The following AGO2 variants were observed in gnomAD, a reference collection of about 807,000 sequenced individuals.
AGO2 encodes argonaute RISC catalytic component 2.
Under a neutral mutation model 102.3 loss-of-function variants are expected in AGO2, and 5 were observed. The ratio of observed to expected loss-of-function variants is 0.05; its 90% CI spans 0.03 to 0.10. AGO2 has a LOEUF of 0.10. AGO2 is among the 10% of genes least tolerant of loss of function. The pLI is 1.00. For synonymous variants in AGO2, 449 were observed against 473.1 expected, an observed-to-expected ratio of 0.95 and a Z score of 0.66; for missense variants, 541 against 1,183.7, an observed-to-expected ratio of 0.46 and a Z score of 7.97.
At chr8:140,536,025 T>C (rs2072689535) in intron 16 of AGO2, among the ~76,000 whole-genome samples, 1 of 152,210 alleles carries the variant, frequency 6.6e-6, no homozygotes, top group Non-Finnish European at 1.5e-5. Flanking sequence ...CTGAACGCTG[T>C]CAGGAGTGCC....
chr8:140,639,100 C>T (rs1285257969), upstream of AGO2, among the ~76,000 whole-genome samples: 4 of 152,186 alleles, frequency 2.6e-5, no homozygotes, highest in Non-Finnish European at 5.9e-5. Context: ...AATTCCTGGG[C>T]TCAAGTGATC....
In AGO2 at chr8:140,556,065, C is replaced by T. The variant is rs10112329; in HGVS notation, c.1147-47G>A. The T allele has an allele frequency of 2.1e-3, 3,396 of 1,612,010 alleles. 57 individuals are homozygous for T. In the African/African-American group the frequency reaches 0.04, roughly 19 times the overall value. ...ACGCACGGAGTGGGTGGAGGCCTCC[C>T]ATCTCTCTAGCAGCTGCGTCCGTTC... On this transcript the variant is annotated intron_variant, in intron 9 of 18. Transcript: ENST00000220592.
intron 6 of AGO2, 43 bp downstream of exon 6, chr8:140,559,352 G>T: frequency 6.2e-7 from 1 of 1,602,464 alleles, no homozygotes; most frequent in Non-Finnish European, 8.5e-7. Context: ...ACCGGGAAGG[G>T]GCCTCCCAGC....
chr8:140,600,958 G>A (rs1241188525), intron 1 of AGO2, among the ~76,000 whole-genome samples: 2 of 151,738 alleles, frequency 1.3e-5, no homozygotes, highest in African/African-American at 4.8e-5. Context: ...AATTCGAATT[G>A]TGTCTAAATC....
Position 140,609,891 on chromosome 8 carries a change from G to A in AGO2, c.23-24580C>T, listed in dbSNP as rs149899613. ...CACGGGGGCTCACACCTGTAATCCC[G>A]GCACGGAAAAAGACTACATCGACCA... On this transcript the variant is annotated intron_variant, in intron 1 of 18. Transcript: ENST00000220592. 1.2e-3 allele frequency among the ~76,000 whole-genome samples: 183 copies of A among 151,294 alleles called. 1 individual carries two copies. Among genetic ancestry groups the A allele is most frequent in the African/African-American group, 4.3e-3 (178 of 41,258 alleles).
chr8:140,615,320 GC>G (rs1159254349), intron 1 of AGO2, among the ~76,000 whole-genome samples: 1 of 152,210 alleles, frequency 6.6e-6, no homozygotes, highest in Non-Finnish European at 1.5e-5. Flanking sequence ...AATGGAGACA[GC>G]CCCCTGGCCA....
At chr8:140,624,931 A>T (rs2074257081) in intron 1 of AGO2, among the ~76,000 whole-genome samples, 2 of 152,308 alleles carry the variant, frequency 1.3e-5, no homozygotes, top group South Asian at 4.1e-4. Flanking sequence ...ACACACCCCC[A>T]TCCCGCTCCT....
rs148766573 is a variant in AGO2, at chr8:140,613,072, C to T, written c.22+22413G>A. On this transcript the variant is annotated intron_variant, in intron 1 of 18. Transcript: ENST00000220592. ...ATAATTAGCCAGGTGTGGTGGCAGA[C>T]GCCCGTAGTCCCAGCTACTCGGGAG... Among the ~76,000 whole-genome samples, 5 of 151,762 alleles carry T rather than the reference C, an allele frequency of 3.3e-5. No homozygotes were observed. The East Asian group carries it at 5.9e-4, about 18-fold the overall frequency.
intron 1 of AGO2, among the ~76,000 whole-genome samples, chr8:140,633,569 G>A (rs1402063319): frequency 6.6e-6 from 1 of 152,192 alleles, no homozygotes; most frequent in Admixed American, 6.5e-5. Context: ...AGCATCCCGG[G>A]GCAGTGCACA....
intron 1 of AGO2, among the ~76,000 whole-genome samples, chr8:140,629,754 G>A (rs1013592530): frequency 2.0e-5 from 3 of 151,642 alleles, no homozygotes; most frequent in Non-Finnish European, 4.4e-5. Context: ...GTGGAGCTCC[G>A]GAGCCCGGGG....
rs528988392 is a variant in AGO2, at chr8:140,539,983, C to T, written c.2035-529G>A. Among the ~76,000 whole-genome samples the T allele has an allele frequency of 1.7e-4, 26 of 152,182 alleles. No homozygotes were observed. The highest frequency in any genetic ancestry group is 4.6e-4 in the Admixed American group (7 of 15,284). ...GCACCTGTCGTAATCCCAGCTACTC[C>T]GGAGGCAGAGGCAGGAGAACTGCTT... is the stretch of plus-strand genomic sequence containing the variant. On this transcript the variant is annotated intron_variant, in intron 15 of 18. Coordinates refer to ENST00000220592, the MANE Select transcript of AGO2 (RefSeq NM_012154.5). This position sits in a 1 kb window ranked among gnomAD's most constrained non-coding sequence, Gnocchi z 4.7.
At chr8:140,604,172 C>T (rs928289963) in intron 1 of AGO2, among the ~76,000 whole-genome samples, 6 of 152,206 alleles carry the variant, frequency 3.9e-5, no homozygotes, top group African/African-American at 1.4e-4. Context: ...AGGGAAACGA[C>T]GCGATGGAGC....
chr8:140,555,958 C>G lies in AGO2; in HGVS notation c.1207G>C (p.Asp403His), dbSNP rs1379212767. The change falls in exon 10 of 19, where the codon GAT becomes CAT. Residue 403 changes from aspartate (D) to histidine (H), a missense_variant. This residue lies in a region of AGO2 where 309 missense variants were observed against 735.1 expected (regional missense o/e 0.42). Transcript: ENST00000220592. ...CGCCCAGTCACGTCTGTCATCTCAT[C>G]TTTGACCATGATTCCAAATTCACGG... ...YVREFGIMVK[D>H]EMTDVTGRVL... 6.2e-7 allele frequency: 1 copy of G among 1,614,226 alleles called. No homozygotes were observed. The highest frequency in any genetic ancestry group is 1.7e-5 in the Admixed American group (1 of 60,032).
intron 3 of AGO2, among the ~76,000 whole-genome samples, chr8:140,566,396 C>T (rs1243082007): frequency 1.3e-5 from 2 of 152,246 alleles, no homozygotes; most frequent in Non-Finnish European, 2.9e-5. Context: ...TCTTTATCAA[C>T]AGCATGAAAA....
At chr8:140,629,668 C>T (rs757063081) in intron 1 of AGO2, among the ~76,000 whole-genome samples, 17 of 151,626 alleles carry the variant, frequency 1.1e-4, no homozygotes, top group Admixed American at 3.3e-4. Context: ...AGGGAAACCC[C>T]GTCTCTCCAC....
chr8:140,545,068 T>A lies in AGO2; in HGVS notation c.1749-765A>T, dbSNP rs539010449. Among the ~76,000 whole-genome samples, 3 of 152,318 alleles carry A rather than the reference T, an allele frequency of 2.0e-5. No individual in the cohort carries two copies. In the East Asian group the frequency reaches 5.8e-4, roughly 29 times the overall value. ...AAGTGGCCGTTCTGCCAGCCCTGCC[T>A]GTTGGAAACCAGGTACATGAGGCCC... On this transcript the variant is annotated intron_variant, in intron 13 of 18. Transcript: ENST00000220592.
At chr8:140,586,982 A>G (rs2073669507) in intron 1 of AGO2, among the ~76,000 whole-genome samples, 1 of 152,210 alleles carries the variant, frequency 6.6e-6, no homozygotes, top group South Asian at 2.1e-4. Context: ...AAAGGGGCAC[A>G]CCGCTGGCTG....
intron 2 of AGO2, among the ~76,000 whole-genome samples, chr8:140,583,700 C>T (rs974770742): frequency 2.0e-5 from 3 of 152,108 alleles, no homozygotes; most frequent in African/African-American, 7.2e-5. Context: ...ATGGTGAAAT[C>T]CTGTCTCTAC....
chr8:140,576,219 C>T (rs536114942), intron 2 of AGO2, among the ~76,000 whole-genome samples: 2 of 152,020 alleles, frequency 1.3e-5, no homozygotes, highest in Admixed American at 6.6e-5. Flanking sequence ...GAGACTGAGG[C>T]GGGAGAATCG....
Sources: gnomAD v4.1 joint callset for allele counts (sites outside exome capture counted in the v4.1 genomes callset) on GRCh38, gnomAD v4.1.1 for gene constraint, gnomAD v4.1.1 regional missense constraint, Gnocchi (gnomAD v3.1) non-coding constraint, MANE v1.5 for transcripts, NCBI Gene and HGNC (gene_info 2026-07-23, HGNC 2026-07-21) for gene names.